Variants in DLG2 observed in about 807,000 individuals in gnomAD.
The protein encoded by DLG2 is discs large MAGUK scaffold protein 2, also known as disks large homolog 2.
DLG2 carries 45 observed loss-of-function variants against 132.5 expected under a neutral mutation model. That is an observed-to-expected ratio of 0.34 (90% CI 0.27 to 0.44). The LOEUF is 0.44. DLG2 is among the 20% of genes least tolerant of loss of function. The pLI, the probability that DLG2 is intolerant of heterozygous loss-of-function variation, is 1.00. For synonymous variants in DLG2, 424 were observed against 419.6 expected (o/e 1.01, Z -0.13); for missense variants, 1,045 against 1,196.9 (o/e 0.87, Z 1.87).
intron 3 of DLG2, among the ~76,000 whole-genome samples, chr11:85,392,219 A>G (rs1234422117): frequency 1.3e-5 from 2 of 152,140 alleles, no homozygotes; most frequent in African/African-American, 4.8e-5. Flanking sequence ...ACTTAGGAAT[A>G]TACTTAAGCA....
intron 3 of DLG2, among the ~76,000 whole-genome samples, chr11:85,583,402 G>C (rs755279060): frequency 2.0e-5 from 3 of 151,014 alleles, no homozygotes; most frequent in Non-Finnish European, 4.4e-5. Flanking sequence ...ACCCAGGTTG[G>C]TCTTAAACTC....
At chr11:83,621,763 T>C (rs994222252) in intron 19 of DLG2, among the ~76,000 whole-genome samples, 14 of 152,182 alleles carry the variant, frequency 9.2e-5, no homozygotes, top group African/African-American at 2.9e-4. Flanking sequence ...CTATACTACA[T>C]ATTAAGGAAA....
At chr11:84,861,584 T>C (rs1431865927) in intron 6 of DLG2, among the ~76,000 whole-genome samples, 3 of 76,822 alleles carry the variant, frequency 3.9e-5, no homozygotes, top group Admixed American at 1.8e-4. Flanking sequence ...AATTGACAAA[T>C]AGGATCTAAT....
chr11:84,266,280 T>A (rs2097632591), intron 7 of DLG2, among the ~76,000 whole-genome samples: 1 of 152,198 alleles, frequency 6.6e-6, no homozygotes, highest in Admixed American at 6.5e-5. Flanking sequence ...AGGCTCTTGC[T>A]TTTTTGTTAA....
intron 6 of DLG2, among the ~76,000 whole-genome samples, chr11:84,592,663 G>A (rs184948269): frequency 3.7e-4 from 56 of 152,072 alleles, no homozygotes; most frequent in Non-Finnish European, 6.3e-4. Context: ...CAAAGTATAT[G>A]AACAGACACT....
At position 84,974,074 on chromosome 11, in the gene DLG2, C is replaced by T. The variant is rs1274653755; in HGVS notation, c.357+137587G>A. Among the ~76,000 whole-genome samples, 5 of 152,118 alleles carry T rather than the reference C, an allele frequency of 3.3e-5. No individual in the cohort carries two copies. In the East Asian group the frequency reaches 7.7e-4, roughly 23 times the overall value. On this transcript the variant is annotated intron_variant, in intron 6 of 27. Coordinates refer to ENST00000376104, the MANE Select transcript of DLG2 (RefSeq NM_001142699.3). Reference sequence around the variant, plus strand: ...AGAAATTATACAGATACTGTTCTCCCAAACAGACCAAAGGAAGTAGGAGAG... The same window carrying T: ...AGAAATTATACAGATACTGTTCTCCTAAACAGACCAAAGGAAGTAGGAGAG...
Position 84,724,633 on chromosome 11 carries a change from C to A in DLG2, c.358-189902G>T, listed in dbSNP as rs1042686188. Reference sequence around the variant, plus strand: ...ACTTTAACTACATTAATATATTTAACCATCACAATCACTCAATCTTACCAA... The same window carrying A: ...ACTTTAACTACATTAATATATTTAAACATCACAATCACTCAATCTTACCAA... On this transcript the variant is annotated intron_variant, in intron 6 of 27. Coordinates refer to ENST00000376104, the MANE Select transcript of DLG2 (RefSeq NM_001142699.3). Among the ~76,000 whole-genome samples the A allele has an allele frequency of 4.6e-5, 7 of 152,250 alleles. No individual in the cohort carries two copies. The East Asian group carries it at 7.7e-4, about 17-fold the overall frequency.
chr11:85,435,330 T>A (rs2091418872), intron 3 of DLG2, among the ~76,000 whole-genome samples: 1 of 151,926 alleles, frequency 6.6e-6, no homozygotes, highest in Non-Finnish European at 1.5e-5. Context: ...GCAAGAGAAA[T>A]AAATAAACGG....
intron 11 of DLG2, among the ~76,000 whole-genome samples, chr11:84,051,182 T>C (rs2096369871): frequency 6.6e-6 from 1 of 151,928 alleles, no homozygotes; most frequent in African/African-American, 2.4e-5. Context: ...GGTGGGAGTG[T>C]AAACTAGTTC....
chr11:84,268,116 A>G (rs1366079060), intron 7 of DLG2, among the ~76,000 whole-genome samples: 1 of 152,170 alleles, frequency 6.6e-6, no homozygotes, highest in Non-Finnish European at 1.5e-5. Flanking sequence ...TTCTTGCCTT[A>G]GTGACTTTGT....
In DLG2 at chr11:84,990,792, C is replaced by CT. The variant is rs1320283460; in HGVS notation, c.357+120868dup. On this transcript the variant is annotated intron_variant, in intron 6 of 27. Coordinates refer to ENST00000376104, the MANE Select transcript of DLG2 (RefSeq NM_001142699.3). ...GAAAACTGGAAAGTTCCATGAAGAA[C>CT]TAAAGTTTTAGTTTCGCTGCTGTTT... Among the ~76,000 whole-genome samples, 4 of 151,824 alleles carry CT rather than the reference C, an allele frequency of 2.6e-5. No homozygotes were observed. The East Asian group carries it at 7.8e-4, about 29-fold the overall frequency.
intron 4 of DLG2, among the ~76,000 whole-genome samples, chr11:85,164,610 A>T (rs2078292209): frequency 6.6e-6 from 1 of 152,148 alleles, no homozygotes; most frequent in African/African-American, 2.4e-5. Context: ...TCTATTTCTG[A>T]CTTTCTCCTC....
chr11:85,059,921 T>C (rs955844453), intron 6 of DLG2, among the ~76,000 whole-genome samples: 2 of 151,768 alleles, frequency 1.3e-5, no homozygotes, highest in Admixed American at 6.6e-5. Flanking sequence ...GTAAATATAC[T>C]AGAGCATAGT....
intron 18 of DLG2, among the ~76,000 whole-genome samples, chr11:83,689,156 T>C (rs1413631904): frequency 6.6e-6 from 1 of 152,128 alleles, no homozygotes; most frequent in Non-Finnish European, 1.5e-5. Flanking sequence ...CAATGGCATC[T>C]AATAACTCAG....
intron 7 of DLG2, among the ~76,000 whole-genome samples, chr11:84,341,726 T>C (rs764379131): frequency 6.6e-6 from 1 of 152,242 alleles, no homozygotes; most frequent in East Asian, 1.9e-4. Context: ...ACTTTTTGAA[T>C]GGCCTGTGTT....
At chr11:85,303,564 A>G (rs1203458578) in intron 3 of DLG2, among the ~76,000 whole-genome samples, 1 of 152,148 alleles carries the variant, frequency 6.6e-6, no homozygotes, top group Non-Finnish European at 1.5e-5. Context: ...CAGCATAGCT[A>G]TGTGTTGTGT....
At chr11:83,495,769 G>C (rs2094118387) in intron 21 of DLG2, among the ~76,000 whole-genome samples, 1 of 152,072 alleles carries the variant, frequency 6.6e-6, no homozygotes, top group African/African-American at 2.4e-5. Flanking sequence ...TTCAACAAAT[G>C]CTCTGGAGCA....
chr11:84,328,721 G>T (rs999721413), intron 7 of DLG2, among the ~76,000 whole-genome samples: 2 of 152,040 alleles, frequency 1.3e-5, no homozygotes, highest in African/African-American at 4.8e-5. Context: ...TTGGCCTAAA[G>T]GCAGGGTATG....
chr11:84,903,293 A>T (rs934292801), intron 6 of DLG2, among the ~76,000 whole-genome samples: 6 of 152,160 alleles, frequency 3.9e-5, no homozygotes, highest in African/African-American at 7.2e-5. Context: ...TATTTCCTAA[A>T]CAAGATCAGC....
Sources: allele counts gnomAD v4.1 joint callset (sites outside exome capture counted in the v4.1 genomes callset), GRCh38; gene constraint gnomAD v4.1.1; transcripts MANE v1.5; gene names NCBI Gene and HGNC (gene_info 2026-07-23, HGNC 2026-07-21).